Variants in PTPRF observed in about 807,000 individuals in gnomAD.
The protein encoded by PTPRF is receptor-type tyrosine-protein phosphatase F.
In PTPRF, 59 loss-of-function variants were observed where a neutral mutation model predicts 201.8. The ratio of observed to expected loss-of-function variants is 0.29; its 90% CI spans 0.24 to 0.36. The LOEUF (loss-of-function observed/expected upper bound fraction) is 0.36. PTPRF is among the 10% of genes least tolerant of loss of function. The pLI, the probability that PTPRF is intolerant of heterozygous loss-of-function variation, is 1.00. For synonymous variants in PTPRF, 1,088 were observed against 1,089.7 expected (o/e 1.00, Z 0.03); for missense variants, 2,132 against 2,690.5 (o/e 0.79, Z 4.59).
Position 43,569,790 on chromosome 1 carries a change from G to A in PTPRF, c.568+12G>A. 1.2e-6 allele frequency: 2 copies of A among 1,601,958 alleles called. No homozygotes were observed. Among genetic ancestry groups the A allele is most frequent in the South Asian group, 1.1e-5 (1 of 89,286 alleles). ...GCAGCTGCGTTCAGGTGAGCAGAGG[G>A]CAGGGGTCAAGGGGCCATGCAGACC... On this transcript the variant is annotated intron_variant, in intron 6 of 33. Transcript: ENST00000359947.
chr1:43,617,525 C>T lies in PTPRF; in HGVS notation c.4152C>T (p.Val1384=), dbSNP rs778020575. Residue 1384 remains valine (V), a synonymous_variant, in exon 24 of 34, where the codon GTC becomes GTT. Transcript: ENST00000359947. The part of the protein sequence containing the change: ...VNKPKNRYAN[V]IAYDHSRVIL... ...AGCCCAAGAACCGCTATGCGAATGT[C>T]ATCGCCTACGACCACTCTCGAGTCA... 1.1e-5 allele frequency: 18 copies of T among 1,614,018 alleles called. No individual in the cohort carries two copies. The Admixed American group carries it at 1.2e-4, about 10-fold the overall frequency.
chr1:43,574,372 C>T (rs1646785447), intron 6 of PTPRF, among the ~76,000 whole-genome samples: 2 of 151,986 alleles, frequency 1.3e-5, no homozygotes, highest in South Asian at 4.1e-4. Flanking sequence ...TTTATTAATG[C>T]ATTTTAAAAT....
At chr1:43,607,471 G>A (rs879395278) in intron 21 of PTPRF, among the ~76,000 whole-genome samples, 1 of 152,144 alleles carries the variant, frequency 6.6e-6, no homozygotes, top group South Asian at 2.1e-4. Flanking sequence ...CATCCGCAGC[G>A]GCCTCAGCCT....
At chr1:43,598,648 A>G (rs17849103) in intron 12 of PTPRF, 72 bp from the exon 13 acceptor site, 563,928 of 1,417,146 alleles carry the variant, frequency 0.4, 114,432 homozygotes, top group East Asian at 0.52. Context: ...CAGGACCCTC[A>G]AGTTTGCTGT....
At chr1:43,607,756 G>A (rs1321675898) in intron 21 of PTPRF, among the ~76,000 whole-genome samples, 3 of 152,212 alleles carry the variant, frequency 2.0e-5, no homozygotes, top group Non-Finnish European at 2.9e-5. Context: ...TGCCCTCTGC[G>A]GATCTCCCTC....
chr1:43,564,237 CGTG>C (rs1159313226), intron 5 of PTPRF, among the ~76,000 whole-genome samples: 4 of 152,116 alleles, frequency 2.6e-5, no homozygotes, highest in African/African-American at 9.7e-5. Flanking sequence ...AGTGTGGGAG[CGTG>C]CAGATCTGGC....
At chr1:43,538,056 A>G (rs1020009575) in intron 1 of PTPRF, 142 bp from the exon 2 acceptor site, 2 of 393,652 alleles carry the variant, frequency 5.1e-6, no homozygotes, top group African/African-American at 2.1e-5. Flanking sequence ...TTTTTACCAG[A>G]TGGGGATGGT....
At chr1:43,556,234 G>A (rs960956086) in intron 5 of PTPRF, among the ~76,000 whole-genome samples, 2 of 152,002 alleles carry the variant, frequency 1.3e-5, no homozygotes, top group Admixed American at 1.3e-4. Flanking sequence ...TACTCTTTTT[G>A]TTGTTGTTGT....
chr1:43,545,962 G>A (rs1379235824), intron 3 of PTPRF, among the ~76,000 whole-genome samples: 1 of 152,148 alleles, frequency 6.6e-6, no homozygotes, highest in African/African-American at 2.4e-5. Context: ...GTGGGAGGCG[G>A]GGCACAGGGC....
At position 43,621,927 on chromosome 1, in the gene PTPRF, C is replaced by G; in HGVS notation, c.5656-8C>G. On this transcript the variant is annotated splice_polypyrimidine_tract_variant and splice_region_variant and intron_variant, in intron 33 of 33. Transcript: ENST00000359947. ...CGACCCACACTGACCAGCCCCCTAT[C>G]CTGGCAGGACCAGTATCAGCTGTGC... The G allele has an allele frequency of 1.2e-6, 2 of 1,614,086 alleles. No individual in the cohort carries two copies. The highest frequency in any genetic ancestry group is 1.7e-6 in the Non-Finnish European group (2 of 1,179,968).
chr1:43,549,159 G>A (rs1189200317), intron 3 of PTPRF, among the ~76,000 whole-genome samples: 4 of 152,252 alleles, frequency 2.6e-5, no homozygotes, highest in Non-Finnish European at 5.9e-5. Context: ...GTGGCAGTGG[G>A]TAACTGGCAG....
intron 6 of PTPRF, among the ~76,000 whole-genome samples, chr1:43,578,180 G>T (rs566102466): frequency 1.3e-5 from 2 of 152,244 alleles, no homozygotes; most frequent in Admixed American, 6.5e-5. Flanking sequence ...TGCAGGAGCC[G>T]TGGTGGGTCG....
rs369406573 is a variant in PTPRF, at chr1:43,602,010, C to G, written c.2314-61C>G. 1.3e-5 allele frequency: 20 copies of G among 1,572,752 alleles called. 1 individual carries two copies. Among genetic ancestry groups the G allele is most frequent in the Middle Eastern group, 3.3e-4 (2 of 6,008 alleles). ...GGGCAAGGTCCCTTCCAGGCCAGGC[C>G]CTCTCCAGGTCAGAGTCCTTCACCA... On this transcript the variant is annotated intron_variant, in intron 13 of 33. Coordinates refer to ENST00000359947, the MANE Select transcript of PTPRF (RefSeq NM_002840.5).
At chr1:43,565,432 G>A (rs945338669) in intron 5 of PTPRF, among the ~76,000 whole-genome samples, 1 of 152,230 alleles carries the variant, frequency 6.6e-6, no homozygotes, top group African/African-American at 2.4e-5. Context: ...TCCCCACCTT[G>A]CACACATATC....
intron 23 of PTPRF, among the ~76,000 whole-genome samples, chr1:43,615,551 CTTTTTTTTTTTT>C (rs68193223): frequency 0.053 from 4,456 of 84,256 alleles, 211 homozygotes; most frequent in African/African-American, 0.2. Flanking sequence ...GCTCTGTTGT[CTTTTTTTTTTTT>C]TTTTTTTTTT....
At chr1:43,597,163 C>G (rs898646131) in intron 11 of PTPRF, among the ~76,000 whole-genome samples, 1 of 151,738 alleles carries the variant, frequency 6.6e-6, no homozygotes, top group Non-Finnish European at 1.5e-5. Flanking sequence ...ATACGTGAGA[C>G]TGTGAGACAC....
intron 5 of PTPRF, among the ~76,000 whole-genome samples, chr1:43,555,384 C>CA (rs895065211): frequency 9.8e-5 from 14 of 143,432 alleles, no homozygotes; most frequent in African/African-American, 1.8e-4. Context: ...TAAAAACAAA[C>CA]AAAAAAAAAT....
chr1:43,591,538 A>C lies in PTPRF; in HGVS notation c.1516A>C (p.Lys506Gln). The C allele has an allele frequency of 6.3e-7, 1 of 1,584,566 alleles. No homozygotes were observed. The highest frequency in any genetic ancestry group is 8.6e-7 in the Non-Finnish European group (1 of 1,165,038). Residue 506 changes from lysine (K) to glutamine (Q), a missense_variant, in exon 9 of 34, where the codon AAG becomes CAG. Lys to Gln is a moderately conservative substitution (Grantham distance 53). Around this residue, in one of 6 missense-constraint regions of PTPRF, gnomAD observed 351 missense variants for 401.7 expected, o/e 0.87. Coordinates refer to ENST00000359947, the MANE Select transcript of PTPRF (RefSeq NM_002840.5). The stretch of plus-strand genomic sequence containing the variant: ...CCCTCCCAGCCCCACCATCCAGGTC[A>C]AGACGCAGCAGGGAGGTAGGTGGGG... ...DGPPSPTIQV[K>Q]TQQGVPAQPA...
upstream of PTPRF, among the ~76,000 whole-genome samples, chr1:43,529,702 G>C (rs1231549025): frequency 6.6e-6 from 1 of 152,102 alleles, no homozygotes; most frequent in East Asian, 1.9e-4. Flanking sequence ...GTTTTAACAC[G>C]GATTGCGTGG....
Sources: gnomAD v4.1 joint callset for allele counts (sites outside exome capture counted in the v4.1 genomes callset) on GRCh38, gnomAD v4.1.1 for gene constraint, gnomAD v4.1.1 regional missense constraint, MANE v1.5 for transcripts, NCBI Gene and HGNC (gene_info 2026-07-23, HGNC 2026-07-21) for gene names.